The following POTEM variants were observed in gnomAD, a reference collection of about 807,000 sequenced individuals.
POTEM encodes the protein POTE ankyrin domain family member M.
For missense variants in POTEM, 24 were observed against 343.0 expected, an observed-to-expected ratio of 0.07 and a Z score of 7.35; for synonymous variants, 8 against 113.2, an observed-to-expected ratio of 0.07 and a Z score of 5.90.
At chr14:18,979,885 AT>A (rs1234446102) in intron 5 of POTEM, among the ~76,000 whole-genome samples, 188 bp from the exon 6 acceptor site, 1 of 152,162 alleles carries the variant, frequency 6.6e-6, no homozygotes, top group East Asian at 1.9e-4. Flanking sequence ...TTCACCCTAC[AT>A]TTTTTTCTTC....
intron 1 of POTEM, among the ~76,000 whole-genome samples, chr14:18,968,312 A>G (rs1241648852): frequency 4.6e-5 from 7 of 152,378 alleles, no homozygotes; most frequent in South Asian, 4.1e-4. Context: ...TTTTAAAACA[A>G]TGTTCTATAC....
rs1011814444 is a variant in POTEM at position 18,969,414 on chromosome 14, A to G, written c.521+1408A>G. Among the ~76,000 whole-genome samples, 580 of 105,864 alleles carry G rather than the reference A, an allele frequency of 5.5e-3. 4 individuals are homozygous for G. Among genetic ancestry groups the G allele is most frequent in the African/African-American group, 0.024 (553 of 22,940 alleles). 69.5% of individuals were successfully genotyped at this position (105,864 alleles called of 152,430 possible). A position where few individuals can be genotyped will look rare whatever the true frequency, so the allele number is the denominator to read the frequency against. On this transcript the variant is annotated intron_variant, in intron 1 of 10. Coordinates refer to ENST00000547889, the MANE Select transcript of POTEM (RefSeq NM_001145442.1). ...TCTTTTTTTTTTTTGATGGAGTCTC[A>G]CTCTGTTGCCCAGGCTGGAGTGCAG... is the stretch of plus-strand genomic sequence containing the variant.
Position 18,993,032 on chromosome 14 carries a change from G to T in POTEM, c.1410-4009G>T, listed in dbSNP as rs1367950451. Among the ~76,000 whole-genome samples the T allele has an allele frequency of 1.7e-4, 12 of 68,810 alleles. 5 individuals carry two copies. The highest frequency in any genetic ancestry group is 3.5e-4 in the Non-Finnish European group (12 of 34,410). The allele number at this position is 68,810 out of a possible 152,430, so 45.1% of individuals were successfully genotyped here. The stretch of plus-strand genomic sequence containing the variant: ...CTGCCTCAGCCACCTGAGGAGATGG[G>T]ATTACAGGCGCGTGCCATGATGCCA... On this transcript the variant is annotated intron_variant, in intron 9 of 10. Coordinates refer to ENST00000547889, the MANE Select transcript of POTEM (RefSeq NM_001145442.1).
intron 6 of POTEM, among the ~76,000 whole-genome samples, chr14:18,982,745 GTTTTTGT>G (rs1458426716): frequency 2.4e-3 from 135 of 56,244 alleles, no homozygotes; most frequent in Non-Finnish European, 4.2e-3. Flanking sequence ...GTTGGCCTTT[GTTTTTGT>G]TTTTTTTTTT....
chr14:19,002,515 TG>T lies in POTEM; in HGVS notation c.*3852del, dbSNP rs1891399133. Among the ~76,000 whole-genome samples the T allele has an allele frequency of 6.6e-6, 1 of 151,180 alleles. No homozygotes were observed. The highest frequency in any genetic ancestry group is 1.5e-5 in the Non-Finnish European group (1 of 67,642). On this transcript the variant is annotated 3_prime_UTR_variant, in exon 11 of 11. Coordinates refer to ENST00000547889, the MANE Select transcript of POTEM (RefSeq NM_001145442.1). ...ATTGTGTAGAGCAGCTGTGCTGTGC[TG>T]GAGATTCACTTTTGAGAGAGTTCTC...
intron 1 of POTEM, among the ~76,000 whole-genome samples, chr14:18,968,533 C>T (rs1318520333): frequency 1.3e-5 from 2 of 151,154 alleles, no homozygotes; most frequent in African/African-American, 2.4e-5. Flanking sequence ...AAGATGTGAG[C>T]TTTTTGGCTG....
Position 18,999,973 on chromosome 14 carries a change from T to C in POTEM, c.*1308T>C, listed in dbSNP as rs1437654333. Among the ~76,000 whole-genome samples, 4 of 12,350 alleles carry C rather than the reference T, an allele frequency of 3.2e-4. No homozygotes were observed. The allele number at this position is 12,350 out of a possible 152,430, so 8.1% of individuals were successfully genotyped here. A position where few individuals can be genotyped will look rare whatever the true frequency, so the allele number is the denominator to read the frequency against. ...GAGTATGATGAGTCAGGCCCCTCCA[T>C]TGTCCACCGCAAATGCTTCTAGGTG... On this transcript the variant is annotated 3_prime_UTR_variant, in exon 11 of 11. Coordinates refer to ENST00000547889, the MANE Select transcript of POTEM (RefSeq NM_001145442.1).
Position 19,002,663 on chromosome 14 carries a change from G to A in POTEM, c.*3998G>A, listed in dbSNP as rs1240006108. Among the ~76,000 whole-genome samples, 2 of 152,090 alleles carry A rather than the reference G, an allele frequency of 1.3e-5. No individual in the cohort carries two copies. Among genetic ancestry groups the A allele is most frequent in the African/African-American group, 2.4e-5 (1 of 41,482 alleles). ...CCCAGCCTGGCCACACCTGCTTACA[G>A]GGCACTCTCAGATGCCCATACCATA... is the stretch of plus-strand genomic sequence containing the variant. On this transcript the variant is annotated 3_prime_UTR_variant, in exon 11 of 11. Transcript: ENST00000547889.
At chr14:18,968,790 T>G (rs1049548288) in intron 1 of POTEM, among the ~76,000 whole-genome samples, 1 of 152,266 alleles carries the variant, frequency 6.6e-6, no homozygotes, top group Non-Finnish European at 1.5e-5. Context: ...GCCACTGTAC[T>G]CCAGCCTGGG....
At chr14:18,968,451 C>A (rs796819925) in intron 1 of POTEM, among the ~76,000 whole-genome samples, 8,091 of 110,598 alleles carry the variant, frequency 0.073, no homozygotes, top group Non-Finnish European at 0.087. Context: ...ATGTTCTTTA[C>A]TGAGTAATCT....
intron 9 of POTEM, among the ~76,000 whole-genome samples, chr14:18,996,220 A>G (rs542628039): frequency 2.0e-5 from 3 of 151,664 alleles, no homozygotes; most frequent in Admixed American, 1.3e-4. Context: ...TTTATTTCAC[A>G]TCTCTCTCTC....
At chr14:18,981,864 TG>T (rs1162549651) in intron 6 of POTEM, among the ~76,000 whole-genome samples, 3 of 151,808 alleles carry the variant, frequency 2.0e-5, no homozygotes, top group Non-Finnish European at 4.4e-5. Context: ...CCATGGGCCA[TG>T]GGAAGTTTAC....
Position 19,000,535 on chromosome 14 carries a change from CT to C in POTEM, c.*1872del, listed in dbSNP as rs1891371659. Among the ~76,000 whole-genome samples the C allele has an allele frequency of 2.3e-5, 2 of 85,748 alleles. No homozygotes were observed. The highest frequency in any genetic ancestry group is 4.1e-5 in the Non-Finnish European group (2 of 48,554). 56.3% of individuals were successfully genotyped at this position (85,748 alleles called of 152,430 possible). On this transcript the variant is annotated 3_prime_UTR_variant, in exon 11 of 11. Transcript: ENST00000547889. ...TGAGAGTGGCTGGAGGCAGCCAGGG[CT>C]TACCTGTACTCTGACTTAAGGAGAG... is the stretch of plus-strand genomic sequence containing the variant.
In POTEM at chr14:18,999,383, C is replaced by T. The variant is rs1421673794; in HGVS notation, c.*718C>T. The stretch of plus-strand genomic sequence containing the variant: ...CCATCTATGAGGGGAATGCCCTCCC[C>T]CATGCCACCCTGCGCCTAGACCTGG... On this transcript the variant is annotated 3_prime_UTR_variant, in exon 11 of 11. Transcript: ENST00000547889. Among the ~76,000 whole-genome samples the T allele has an allele frequency of 8.2e-5, 11 of 134,906 alleles. No individual in the cohort carries two copies. Among genetic ancestry groups the T allele is most frequent in the Admixed American group, 7.7e-4 (10 of 13,070 alleles). The allele number at this position is 134,906 out of a possible 152,430, so 88.5% of individuals were successfully genotyped here.
chr14:18,968,738 G>T (rs1358203377), intron 1 of POTEM, among the ~76,000 whole-genome samples: 7 of 152,330 alleles, frequency 4.6e-5, no homozygotes, highest in African/African-American at 1.2e-4. Flanking sequence ...CAGGAGAATG[G>T]CGTGAACCCG....
At chr14:18,996,602 G>A (rs1446852927) in intron 9 of POTEM, among the ~76,000 whole-genome samples, 222 of 122,290 alleles carry the variant, frequency 1.8e-3, no homozygotes, top group Non-Finnish European at 3.0e-3. Context: ...TCATGCAGGG[G>A]ATATAGGTTG....
chr14:18,968,744 A>C (rs1161133382), intron 1 of POTEM, among the ~76,000 whole-genome samples: 1 of 152,340 alleles, frequency 6.6e-6, no homozygotes, highest in East Asian at 1.9e-4. Context: ...AATGGCGTGA[A>C]CCCGGGAGGC....
intron 1 of POTEM, among the ~76,000 whole-genome samples, chr14:18,969,318 T>G: frequency 1.1e-4 from 1 of 9,350 alleles, no homozygotes; most frequent in Non-Finnish European, 2.3e-4. Context: ...TATATATATG[T>G]ATATATATAT....
At chr14:18,980,412 GC>G (rs1891053009) in intron 6 of POTEM, 2 of 178,248 alleles carry the variant, frequency 1.1e-5, no homozygotes, top group African/African-American at 1.2e-4. Context: ...TTATCTGGGG[GC>G]AAAGTGAGAC....
Sources: gnomAD v4.1 joint callset for allele counts (sites outside exome capture counted in the v4.1 genomes callset) on GRCh38, gnomAD v4.1.1 for gene constraint, MANE v1.5 for transcripts, NCBI Gene and HGNC (gene_info 2026-07-23, HGNC 2026-07-21) for gene names.